MYO5C: variants seen among roughly 807,000 people sequenced by gnomAD.
The protein encoded by MYO5C is myosin VC.
Under a neutral mutation model 235.7 loss-of-function variants are expected in MYO5C, and 194 were observed. The ratio of observed to expected loss-of-function variants is 0.82; its 90% CI spans 0.73 to 0.93. The LOEUF (loss-of-function observed/expected upper bound fraction) is 0.93, where lower values mean the gene tolerates loss of function less well. Ranked by LOEUF, MYO5C falls within the 40% of genes least tolerant of loss-of-function variation. The probability of loss-of-function intolerance (pLI) is 0.00; values close to 1 mark genes in which losing one functional copy is unlikely to be tolerated. For missense variants in MYO5C, 2,038 were observed against 2,127.2 expected (o/e 0.96, Z 0.82); for synonymous variants, 707 against 754.8 (o/e 0.94, Z 1.04).
chr15:52,274,828 T>C (rs981629054), intron 5 of MYO5C, among the ~76,000 whole-genome samples: 3 of 152,250 alleles, frequency 2.0e-5, no homozygotes, highest in African/African-American at 7.2e-5. Flanking sequence ...AAATATTCAT[T>C]GAGGATTTTG....
chr15:52,256,581 A>ACACT, intron 11 of MYO5C, 58 bp downstream of exon 11: 1 of 914,956 alleles, frequency 1.1e-6, no homozygotes, highest in Non-Finnish European at 1.6e-6. Context: ...ACACACACAC[A>ACACT]CACACACGCG....
intron 18 of MYO5C, among the ~76,000 whole-genome samples, chr15:52,244,785 T>C (rs1264093686): frequency 6.6e-6 from 1 of 152,168 alleles, no homozygotes; most frequent in Admixed American, 6.5e-5. Context: ...AGGAATCCAT[T>C]TGTGGGTGAG....
chr15:52,269,995 A>G (rs1401354986), intron 7 of MYO5C, 135 bp from the exon 8 acceptor site: 1 of 656,658 alleles, frequency 1.5e-6, no homozygotes, highest in Admixed American at 2.5e-5. Flanking sequence ...TATTCCTTAG[A>G]ACTCTGCATT....
Position 52,295,765 on chromosome 15 carries a change from T to G in MYO5C, c.-129A>C. The stretch of plus-strand genomic sequence containing the variant: ...CACCGCCGGGCCATCTTGCCCAAAG[T>G]TTTCCAACGGCCTCCTGTTCCCGTT... On this transcript the variant is annotated 5_prime_UTR_variant, in exon 1 of 41. Transcript: ENST00000261839. The G allele has an allele frequency of 1.7e-6, 1 of 581,838 alleles. No individual in the cohort carries two copies. The highest frequency in any genetic ancestry group is 3.5e-5 in the East Asian group (1 of 28,452). The allele number at this position is 581,838 out of a possible 1,614,324, so 36.0% of individuals were successfully genotyped here. A position where few individuals can be genotyped will look rare whatever the true frequency, so the allele number is the denominator to read the frequency against.
chr15:52,279,680 G>A lies in MYO5C; in HGVS notation c.139-6C>T. ...TTGACAGAATAATCCAGCTCCTATG[G>A]ACAAAGATAAAAATTAAAGCTCTGG... is the stretch of plus-strand genomic sequence containing the variant. On this transcript the variant is annotated splice_polypyrimidine_tract_variant and splice_region_variant and intron_variant, in intron 2 of 40. Transcript: ENST00000261839. 1 of 1,600,438 alleles carries A rather than the reference G, an allele frequency of 6.2e-7. No homozygotes were observed. Among genetic ancestry groups the A allele is most frequent in the Non-Finnish European group, 8.6e-7 (1 of 1,169,092 alleles).
chr15:52,245,580 C>T (rs1163957265), intron 17 of MYO5C, 115 bp from the exon 18 acceptor site: 1 of 777,752 alleles, frequency 1.3e-6, no homozygotes, highest in African/African-American at 1.7e-5. Flanking sequence ...GCAATCTGTC[C>T]TGAGGATAAA....
At chr15:52,257,033 T>G (rs1596200010) in intron 10 of MYO5C, 1 of 213,958 alleles carries the variant, frequency 4.7e-6, no homozygotes, top group Non-Finnish European at 9.4e-6. Flanking sequence ...TCTGACTTTA[T>G]AGGTCAGAAA....
Position 52,295,655 on chromosome 15 carries a change from C to A in MYO5C, c.-19G>T. On this transcript the variant is annotated 5_prime_UTR_variant, in exon 1 of 41. Transcript: ENST00000261839. ...CCGCCATGGGCAGGAGGGGCCGGGG[C>A]CAGGCCGGGGCTGCCGAACGTGCGA... The A allele has an allele frequency of 2.1e-6, 3 of 1,449,104 alleles. No homozygotes were observed. The highest frequency in any genetic ancestry group is 2.8e-5 in the Admixed American group (1 of 36,230). The allele number at this position is 1,449,104 out of a possible 1,614,324, so 89.8% of individuals were successfully genotyped here.
intron 5 of MYO5C, among the ~76,000 whole-genome samples, chr15:52,274,480 T>C (rs911370864): frequency 1.3e-5 from 2 of 152,188 alleles, no homozygotes; most frequent in African/African-American, 4.8e-5. Flanking sequence ...GGTTTCATCA[T>C]GTTGCCCAGG....
rs893688393 is a variant in MYO5C at position 52,218,521 on chromosome 15, T to C, written c.3952A>G (p.Arg1318Gly). The C allele has an allele frequency of 1.2e-6, 2 of 1,614,118 alleles. No homozygotes were observed. Among genetic ancestry groups the C allele is most frequent in the East Asian group, 2.2e-5 (1 of 44,886 alleles). The change falls in exon 32 of 41, where the codon AGG (arginine) becomes GGG (glycine). Residue 1318 changes from arginine (R) to glycine (G), a missense_variant and splice_region_variant. Physicochemically the swap from Arg to Gly is moderately radical, Grantham distance 125. Coordinates refer to ENST00000261839, the MANE Select transcript of MYO5C (RefSeq NM_018728.4). ...CACCAAGTTAGAAGACTTCTCACCCTGTTTTCCAAAGTGAGCCGGGATGCT... is the reference window on the plus strand; with the variant it reads ...CACCAAGTTAGAAGACTTCTCACCCCGTTTTCCAAAGTGAGCCGGGATGCT... Reference protein sequence around the residue: ...QEASRLTLENRDLEEELDMKD... With the variant: ...QEASRLTLENGDLEEELDMKD...
intron 8 of MYO5C, among the ~76,000 whole-genome samples, chr15:52,266,667 G>A (rs952598429): frequency 6.6e-5 from 10 of 152,182 alleles, no homozygotes; most frequent in Admixed American, 4.6e-4. Flanking sequence ...GAACTCACCC[G>A]AGGTCACACT....
chr15:52,232,461 T>C lies in MYO5C; in HGVS notation c.3026+161A>G, dbSNP rs138128763. Among the ~76,000 whole-genome samples, 766 of 152,272 alleles carry C rather than the reference T, an allele frequency of 5.0e-3. 14 individuals are homozygous for C. The highest frequency in any genetic ancestry group is 0.027 in the Admixed American group (407 of 15,292). The stretch of plus-strand genomic sequence containing the variant: ...TGTGTTCAGTATCTGACAGTACACA[T>C]TGTGGAACTTAGCTCTCATAAATCT... On this transcript the variant is annotated intron_variant, in intron 24 of 40. Coordinates refer to ENST00000261839, the MANE Select transcript of MYO5C (RefSeq NM_018728.4).
At chr15:52,233,314 AT>A (rs1304438520) in intron 23 of MYO5C, among the ~76,000 whole-genome samples, 471 of 25,330 alleles carry the variant, frequency 0.019, 154 homozygotes, top group South Asian at 0.038. Flanking sequence ...AAAAAAAAAA[AT>A]AAATAAATAA....
intron 5 of MYO5C, 83 bp downstream of exon 5, chr15:52,275,479 T>C: frequency 6.4e-7 from 1 of 1,550,540 alleles, no homozygotes. Flanking sequence ...GGGTGGGAAC[T>C]TGAATTAGCC....
At chr15:52,235,583 C>A in intron 23 of MYO5C, 87 bp downstream of exon 23, 1 of 1,006,416 alleles carries the variant, frequency 9.9e-7, no homozygotes. Context: ...CACCAGAGAC[C>A]CCTGGTTCTA....
At chr15:52,211,579 C>G in intron 35 of MYO5C, 151 bp downstream of exon 35, 1 of 839,820 alleles carries the variant, frequency 1.2e-6, no homozygotes, top group South Asian at 1.7e-5. Context: ...CTTTCCCTAA[C>G]AGTGTGGCTC....
chr15:52,195,305 G>C, intron 40 of MYO5C, 72 bp downstream of exon 40: 1 of 1,013,950 alleles, frequency 9.9e-7, no homozygotes. Context: ...TTTCTATAAT[G>C]TTAATTAAGT....
chr15:52,236,329 G>A (rs977444676), intron 22 of MYO5C, among the ~76,000 whole-genome samples: 1 of 152,228 alleles, frequency 6.6e-6, no homozygotes, highest in Non-Finnish European at 1.5e-5. Context: ...GGAGGGCAAA[G>A]GGATGTCTTC....
intron 23 of MYO5C, among the ~76,000 whole-genome samples, chr15:52,233,931 C>A (rs1470696547): frequency 1.3e-5 from 2 of 152,000 alleles, no homozygotes; most frequent in African/African-American, 4.8e-5. Context: ...TTTTTTTTAG[C>A]CAACAGTTTA....
Sources: gnomAD v4.1 joint callset for allele counts (sites outside exome capture counted in the v4.1 genomes callset) on GRCh38, gnomAD v4.1.1 for gene constraint, MANE v1.5 for transcripts, NCBI Gene and HGNC (gene_info 2026-07-23, HGNC 2026-07-21) for gene names.